Variants in GRIK2 observed in about 807,000 individuals in gnomAD.
GRIK2 encodes the protein glutamate ionotropic receptor kainate type subunit 2.
In GRIK2, 32 loss-of-function variants were observed where a neutral mutation model predicts 100.3. The ratio of observed to expected loss-of-function variants is 0.32; its 90% confidence interval spans 0.24 to 0.43. The LOEUF (loss-of-function observed/expected upper bound fraction) is 0.43. Ranked by LOEUF, GRIK2 falls within the 20% of genes least tolerant of loss-of-function variation. GRIK2 has a pLI of 1.00. For missense variants in GRIK2, 843 were observed against 1,114.9 expected (o/e 0.76, Z 3.47); for synonymous variants, 417 against 389.4 (o/e 1.07, Z -0.83).
At chr6:101,613,545 T>C (rs375006160) in intron 2 of GRIK2, among the ~76,000 whole-genome samples, 89 of 151,896 alleles carry the variant, frequency 5.9e-4, no homozygotes, top group African/African-American at 2.0e-3. Context: ...TAATCAGGGA[T>C]ACTTGTAAAA....
chr6:101,988,132 TGCGCGCGCGCGCGCGCGC>T (rs112299589), intron 14 of GRIK2, among the ~76,000 whole-genome samples: 187 of 29,540 alleles, frequency 6.3e-3, no homozygotes, highest in Non-Finnish European at 0.012. Context: ...TGTGTGTGTG[TGCGCGCGCGCGCGCGCGC>T]GCGCGTGCGC....
At chr6:101,577,149 T>C (rs1363829201) in intron 2 of GRIK2, among the ~76,000 whole-genome samples, 2 of 147,564 alleles carry the variant, frequency 1.4e-5, no homozygotes, top group Non-Finnish European at 3.0e-5. Context: ...TTACAGTTAG[T>C]TGCATATGGA....
At chr6:101,778,131 T>A (rs866264219) in intron 7 of GRIK2, among the ~76,000 whole-genome samples, 1 of 152,158 alleles carries the variant, frequency 6.6e-6, no homozygotes, top group Non-Finnish European at 1.5e-5. Flanking sequence ...TAGACATTGT[T>A]CTTATCCAAA....
In GRIK2 at chr6:102,068,592, C is replaced by A; in HGVS notation, c.*81C>A. The stretch of plus-strand genomic sequence containing the variant: ...CCAGAATGTTTCCTGTGGAAATATG[C>A]AACCTGTGCAAAATAAAATGAGTTA... On this transcript the variant is annotated 3_prime_UTR_variant, in exon 17 of 17. Coordinates refer to ENST00000369134, the MANE Select transcript of GRIK2 (RefSeq NM_021956.5). The A allele has an allele frequency of 8.2e-7, 1 of 1,214,624 alleles. No individual in the cohort carries two copies. The highest frequency in any genetic ancestry group is 2.1e-5 in the Admixed American group (1 of 48,368). The allele number at this position is 1,214,624 out of a possible 1,614,324, so 75.2% of individuals were successfully genotyped here.
intron 7 of GRIK2, among the ~76,000 whole-genome samples, chr6:101,690,474 T>C (rs1772013111): frequency 6.6e-6 from 1 of 152,128 alleles, no homozygotes; most frequent in Non-Finnish European, 1.5e-5. Flanking sequence ...AACCCAGAAC[T>C]TTATCTTAGT....
intron 11 of GRIK2, among the ~76,000 whole-genome samples, chr6:101,875,775 AT>A (rs1288084491): frequency 6.6e-6 from 1 of 151,818 alleles, no homozygotes; most frequent in African/African-American, 2.4e-5. Flanking sequence ...GATAACCAAT[AT>A]TTTACCCTTC....
At chr6:101,780,588 T>C (rs547792611) in intron 7 of GRIK2, among the ~76,000 whole-genome samples, 1 of 151,942 alleles carries the variant, frequency 6.6e-6, no homozygotes, top group South Asian at 2.1e-4. Flanking sequence ...ATAATTATTG[T>C]TTTGTAATAA....
intron 2 of GRIK2, among the ~76,000 whole-genome samples, chr6:101,450,227 CTAGTAATAATAGATTTAAT>C (rs1164836124): frequency 4.6e-5 from 7 of 151,464 alleles, no homozygotes; most frequent in South Asian, 4.2e-4. Context: ...TTTTGTAGCT[CTAGTAATAATAGATTTAAT>C]TAGTAATAAT....
rs372308042 is a variant in GRIK2, at chr6:101,512,034, C to G, written c.116-109915C>G. On this transcript the variant is annotated intron_variant, in intron 2 of 16. Coordinates refer to ENST00000369134, the MANE Select transcript of GRIK2 (RefSeq NM_021956.5). ...CTAAAAGCTTTATCACTGAATACCT[C>G]TATTTGTAAAAAAAGATACATACAT... Among the ~76,000 whole-genome samples, 121 of 144,108 alleles carry G rather than the reference C, an allele frequency of 8.4e-4. 5 individuals are homozygous for G. The South Asian group carries it at 0.025, about 29-fold the overall frequency. The allele number at this position is 144,108 out of a possible 152,430, so 94.5% of individuals were successfully genotyped here.
intron 2 of GRIK2, among the ~76,000 whole-genome samples, chr6:101,484,796 A>G (rs2128263193): frequency 6.6e-6 from 1 of 152,240 alleles, no homozygotes; most frequent in South Asian, 2.1e-4. Flanking sequence ...TTCCTGTTTT[A>G]TTTCAATGCT....
chr6:101,627,117 C>CTCTG (rs775721599), intron 4 of GRIK2, among the ~76,000 whole-genome samples: 21 of 145,056 alleles, frequency 1.4e-4, no homozygotes, highest in African/African-American at 3.3e-4. Flanking sequence ...GTGTGTGTCT[C>CTCTG]TGTGTGTGTG....
chr6:102,050,648 TAAAA>T (rs146553452), intron 15 of GRIK2, among the ~76,000 whole-genome samples: 8 of 43,340 alleles, frequency 1.8e-4, no homozygotes, highest in African/African-American at 6.4e-4. Context: ...AAACTCGGTC[TAAAA>T]AAAAAAAAAA....
intron 7 of GRIK2, among the ~76,000 whole-genome samples, chr6:101,705,617 T>G (rs903438363): frequency 2.0e-5 from 3 of 151,830 alleles, no homozygotes; most frequent in African/African-American, 7.2e-5. Flanking sequence ...TTCCTGAAAT[T>G]AAAGGAAACA....
chr6:101,686,495 A>G, intron 7 of GRIK2, 142 bp downstream of exon 7: 1 of 592,118 alleles, frequency 1.7e-6, no homozygotes, highest in Non-Finnish European at 3.0e-6. Context: ...TACAATGCAA[A>G]TACTTGTATT....
intron 2 of GRIK2, among the ~76,000 whole-genome samples, chr6:101,433,912 C>T (rs1198120773): frequency 6.6e-6 from 1 of 152,150 alleles, no homozygotes; most frequent in Non-Finnish European, 1.5e-5. Flanking sequence ...ATGAGTCGTA[C>T]AGGCCAGGAA....
At position 101,684,585 on chromosome 6, in the gene GRIK2, A is replaced by T. The variant is rs1343236328; in HGVS notation, c.778-1595A>T. 2.0e-5 allele frequency among the ~76,000 whole-genome samples: 3 copies of T among 152,110 alleles called. No homozygotes were observed. In the East Asian group the frequency reaches 5.8e-4, roughly 29 times the overall value. ...AAAAGATTTCTTTTCCTCACACTTC[A>T]TGAGGTTCAAGGCTGAGATCTCTAT... On this transcript the variant is annotated intron_variant, in intron 6 of 16. Coordinates refer to ENST00000369134, the MANE Select transcript of GRIK2 (RefSeq NM_021956.5).
At chr6:101,880,726 T>C (rs977759993) in intron 11 of GRIK2, among the ~76,000 whole-genome samples, 4 of 152,070 alleles carry the variant, frequency 2.6e-5, no homozygotes, top group African/African-American at 4.8e-5. Context: ...GTAATTTGAT[T>C]GATTATTACT....
chr6:101,877,354 T>C (rs576039913), intron 11 of GRIK2, among the ~76,000 whole-genome samples: 6 of 152,116 alleles, frequency 3.9e-5, no homozygotes. Context: ...TTTTTGCTTT[T>C]CATTCCCTAA....
chr6:101,415,026 A>G (rs1776066046), intron 2 of GRIK2, among the ~76,000 whole-genome samples: 1 of 151,106 alleles, frequency 6.6e-6, no homozygotes, highest in African/African-American at 2.4e-5. Flanking sequence ...GTGTGTTGTT[A>G]TAAAGTAATG....
Sources: gnomAD v4.1 joint callset for allele counts (sites outside exome capture counted in the v4.1 genomes callset) on GRCh38, gnomAD v4.1.1 for gene constraint, MANE v1.5 for transcripts, NCBI Gene and HGNC (gene_info 2026-07-23, HGNC 2026-07-21) for gene names.